CSMD2: variants seen among roughly 807,000 people sequenced by gnomAD.
CSMD2 encodes the protein CUB and Sushi multiple domains 2, also known as CUB and sushi domain-containing protein 2.
Under a neutral mutation model 398.5 loss-of-function variants are expected in CSMD2, and 130 were observed. The observed-to-expected ratio is 0.33, with a 90% confidence interval of 0.28 to 0.38. CSMD2 has a LOEUF of 0.38. Ranked by LOEUF, CSMD2 falls within the 10% of genes least tolerant of loss-of-function variation. CSMD2 has a pLI of 1.00. For missense variants in CSMD2, 3,829 were observed against 4,764.9 expected (o/e 0.80, Z 5.78); for synonymous variants, 1,828 against 1,908.5 (o/e 0.96, Z 1.10).
intron 1 of CSMD2, among the ~76,000 whole-genome samples, chr1:34,150,732 G>C (rs1038646025): frequency 2.6e-5 from 4 of 151,864 alleles, no homozygotes. Context: ...GGGCAACATA[G>C]CAAGACCCCC....
chr1:34,076,841 G>A (rs1377676086), intron 2 of CSMD2, among the ~76,000 whole-genome samples: 8 of 137,434 alleles, frequency 5.8e-5, no homozygotes, highest in African/African-American at 2.2e-4. Context: ...AGGAGCTGGA[G>A]AGCAAACTCA....
intron 2 of CSMD2, among the ~76,000 whole-genome samples, chr1:34,073,432 C>T (rs926601086): frequency 9.9e-5 from 15 of 152,094 alleles, no homozygotes; most frequent in African/African-American, 3.6e-4. Context: ...CCCAATAAGC[C>T]TCATGGGCAG....
chr1:34,140,196 C>T (rs10753299), intron 1 of CSMD2, among the ~76,000 whole-genome samples: 109,376 of 151,628 alleles, frequency 0.72, 42,109 homozygotes, highest in Non-Finnish European at 0.85. Flanking sequence ...ATTTAGACTG[C>T]GGGGGCAGGG....
Position 33,633,368 on chromosome 1 carries a change from G to T in CSMD2, c.5200+54C>A. On this transcript the variant is annotated intron_variant, in intron 32 of 70. Transcript: ENST00000373381. This position sits in a 1 kb window ranked among gnomAD's most constrained non-coding sequence, Gnocchi z 5.0. The stretch of plus-strand genomic sequence containing the variant: ...CTTCTAGAGCCTCCTTCCTTTAGCC[G>T]GACGTGATGCCCCCGGCCCACAACC... The T allele has an allele frequency of 7.4e-7, 1 of 1,349,290 alleles. No homozygotes were observed. Among genetic ancestry groups the T allele is most frequent in the South Asian group, 1.3e-5 (1 of 79,928 alleles). The allele number at this position is 1,349,290 out of a possible 1,614,324, so 83.6% of individuals were successfully genotyped here.
Position 33,519,627 on chromosome 1 carries a change from T to C in CSMD2, c.10787A>G (p.Asn3596Ser), listed in dbSNP as rs963448972. 3.7e-6 allele frequency: 6 copies of C among 1,613,648 alleles called. No homozygotes were observed. The highest frequency in any genetic ancestry group is 1.6e-4 in the Middle Eastern group (1 of 6,084). Residue 3596 changes from asparagine (N) to serine (S), a missense_variant, in exon 70 of 71, where the codon AAT (asparagine) becomes AGT (serine). Transcript: ENST00000373381. This position sits in a 1 kb window ranked among gnomAD's most constrained non-coding sequence, Gnocchi z 5.6. ...FNGYAGHENT[N>S]VRATFENPMY... is the part of the protein sequence containing the mutation. ...TGGGTTCTCAAATGTGGCCCGAACA[T>C]TGGTGTTCTCGTGGCCAGCATAGCC...
Position 34,164,839 on chromosome 1 carries a change from C to A in CSMD2, c.187+72G>T, listed in dbSNP as rs1354553758. Reference sequence around the variant, plus strand: ...GCGGGGGGAGGGACTGGGACCGGGTCGAGGATGGGTGGGCTCGGGGCTCGG... The same window carrying A: ...GCGGGGGGAGGGACTGGGACCGGGTAGAGGATGGGTGGGCTCGGGGCTCGG... On this transcript the variant is annotated intron_variant, in intron 1 of 70. Transcript: ENST00000373381. This position sits in a 1 kb window ranked among gnomAD's most constrained non-coding sequence, Gnocchi z 6.2. 1 of 1,070,184 alleles carries A rather than the reference C, an allele frequency of 9.3e-7. No individual in the cohort carries two copies. The highest frequency in any genetic ancestry group is 2.0e-5 in the African/African-American group (1 of 49,088). The allele number at this position is 1,070,184 out of a possible 1,614,324, so 66.3% of individuals were successfully genotyped here. A position where few individuals can be genotyped will look rare whatever the true frequency, so the allele number is the denominator to read the frequency against.
At chr1:33,704,609 A>C (rs907820375) in intron 22 of CSMD2, among the ~76,000 whole-genome samples, 1 of 152,216 alleles carries the variant, frequency 6.6e-6, no homozygotes, top group African/African-American at 2.4e-5. Context: ...TTTATAGGCT[A>C]TTAGGTTGAG....
intron 5 of CSMD2, chr1:33,884,648 C>G (rs577047007): frequency 2.6e-5 from 4 of 152,458 alleles, no homozygotes; most frequent in African/African-American, 9.6e-5. Context: ...CCATCCTGTA[C>G]TCCAGCAGCA....
At chr1:34,151,303 G>A (rs562466512) in intron 1 of CSMD2, among the ~76,000 whole-genome samples, 4 of 152,176 alleles carry the variant, frequency 2.6e-5, no homozygotes, top group African/African-American at 9.7e-5. Context: ...AGTGTTCCAT[G>A]AGCCAGTCCC....
intron 5 of CSMD2, chr1:33,869,152 G>A (rs907703472): frequency 2.0e-5 from 3 of 152,232 alleles, no homozygotes; most frequent in African/African-American, 7.2e-5. Flanking sequence ...GATTTCAGTA[G>A]TGGAGAACCA....
intron 25 of CSMD2, among the ~76,000 whole-genome samples, chr1:33,675,206 T>C (rs1435775613): frequency 6.6e-6 from 1 of 151,914 alleles, no homozygotes; most frequent in East Asian, 1.9e-4. Flanking sequence ...ATTGATAGAC[T>C]GCTAGCAAGA....
At chr1:33,535,749 A>G (rs1248424938) in intron 62 of CSMD2, among the ~76,000 whole-genome samples, 6 of 152,144 alleles carry the variant, frequency 3.9e-5, no homozygotes, top group Admixed American at 3.9e-4. Context: ...CCAGGCCCCC[A>G]GGCTGCTAAG....
At chr1:33,741,987 C>A (rs1476442958) in intron 14 of CSMD2, among the ~76,000 whole-genome samples, 1 of 152,222 alleles carries the variant, frequency 6.6e-6, no homozygotes, top group Non-Finnish European at 1.5e-5. Context: ...TTAGCACACA[C>A]CAGGCCCTGT....
intron 44 of CSMD2, 177 bp downstream of exon 44, chr1:33,600,688 G>A: frequency 6.1e-6 from 4 of 650,770 alleles, no homozygotes; most frequent in Non-Finnish European, 1.0e-5. Context: ...ACCCTGCACT[G>A]AGAGCTCTCA....
intron 2 of CSMD2, among the ~76,000 whole-genome samples, chr1:34,071,590 A>G (rs1174608042): frequency 1.3e-5 from 2 of 152,208 alleles, no homozygotes; most frequent in African/African-American, 4.8e-5. Flanking sequence ...AGAGGCACAC[A>G]TCATTTCCAT....
intron 57 of CSMD2, among the ~76,000 whole-genome samples, chr1:33,544,268 G>A (rs985241626): frequency 3.8e-5 from 5 of 132,000 alleles, no homozygotes; most frequent in African/African-American, 6.5e-5. Context: ...TACCACGACC[G>A]GCTAATTTTT....
intron 5 of CSMD2, among the ~76,000 whole-genome samples, chr1:33,873,301 A>T (rs990005584): frequency 6.6e-6 from 1 of 152,186 alleles, no homozygotes; most frequent in East Asian, 1.9e-4. Context: ...GAATCATTGG[A>T]GAGCCAGAGG....
chr1:33,698,986 G>T, intron 23 of CSMD2, 42 bp from the exon 24 acceptor site: 1 of 1,530,338 alleles, frequency 6.5e-7, no homozygotes, highest in South Asian at 1.2e-5. Context: ...GACCTATTGT[G>T]GCAGAAACCA....
intron 5 of CSMD2, among the ~76,000 whole-genome samples, chr1:33,900,118 A>G (rs747829906): frequency 2.0e-5 from 3 of 152,232 alleles, no homozygotes; most frequent in African/African-American, 4.8e-5. Context: ...AAAGGGCAGA[A>G]GAAGGACACA....
Sources: gnomAD v4.1 joint callset for allele counts (sites outside exome capture counted in the v4.1 genomes callset) on GRCh38, gnomAD v4.1.1 for gene constraint, Gnocchi (gnomAD v3.1) non-coding constraint, MANE v1.5 for transcripts, NCBI Gene and HGNC (gene_info 2026-07-23, HGNC 2026-07-21) for gene names.